The following PRDM16 variants were observed in gnomAD, a reference collection of about 807,000 sequenced individuals.
PRDM16 encodes the protein PR/SET domain 16.
PRDM16 carries 23 observed loss-of-function variants against 110.6 expected under a neutral mutation model. The observed-to-expected ratio is 0.21, with a 90% CI of 0.15 to 0.29. PRDM16 has a LOEUF of 0.29. Ranked by LOEUF, PRDM16 falls within the 10% of genes least tolerant of loss-of-function variation. PRDM16 has a pLI of 1.00. For synonymous variants in PRDM16, 799 were observed against 781.8 expected, an observed-to-expected ratio of 1.02 and a Z score of -0.37; for missense variants, 1,615 against 1,794.3, an observed-to-expected ratio of 0.90 and a Z score of 1.81.
At chr1:3,166,853 C>A (rs141217366) in intron 1 of PRDM16, among the ~76,000 whole-genome samples, 1 of 152,202 alleles carries the variant, frequency 6.6e-6, no homozygotes, top group Admixed American at 6.5e-5. Flanking sequence ...TGGCGCTGGC[C>A]GTGCACCCTG....
At chr1:3,114,803 C>T (rs530743075) in intron 1 of PRDM16, among the ~76,000 whole-genome samples, 1 of 152,368 alleles carries the variant, frequency 6.6e-6, no homozygotes, top group African/African-American at 2.4e-5. Flanking sequence ...CCCAGCCCTG[C>T]CCAGACCATC....
intron 3 of PRDM16, among the ~76,000 whole-genome samples, chr1:3,363,385 G>C (rs1240064247): frequency 2.6e-5 from 4 of 152,146 alleles, no homozygotes; most frequent in African/African-American, 4.8e-5. Flanking sequence ...TTCTTCTCCG[G>C]GAATTTCCTC....
intron 10 of PRDM16, among the ~76,000 whole-genome samples, chr1:3,415,789 T>TG (rs1245561819): frequency 6.6e-6 from 1 of 151,674 alleles, no homozygotes; most frequent in African/African-American, 2.4e-5. Flanking sequence ...AGCCAGGAGG[T>TG]GGGGGGCGGG....
chr1:3,408,865 C>T (rs1643613732), intron 8 of PRDM16, among the ~76,000 whole-genome samples: 1 of 131,868 alleles, frequency 7.6e-6, no homozygotes, highest in Admixed American at 7.7e-5. Context: ...CGAGGGTGGG[C>T]ACGTGAGCTG....
At chr1:3,362,209 T>A (rs148173451) in intron 3 of PRDM16, among the ~76,000 whole-genome samples, 319 of 152,378 alleles carry the variant, frequency 2.1e-3, no homozygotes, top group African/African-American at 6.9e-3. Flanking sequence ...CTGGTGACCC[T>A]GTCCTCCTTC....
chr1:3,320,486 G>A (rs1480880749), intron 3 of PRDM16, among the ~76,000 whole-genome samples: 1 of 152,216 alleles, frequency 6.6e-6, no homozygotes, highest in Non-Finnish European at 1.5e-5. Flanking sequence ...TGTGCTGGCT[G>A]CCTCCCGGGT....
intron 1 of PRDM16, among the ~76,000 whole-genome samples, chr1:3,099,142 C>G (rs1157501265): frequency 6.6e-6 from 1 of 152,226 alleles, no homozygotes; most frequent in East Asian, 1.9e-4. Context: ...AAATGGGCTT[C>G]CTGGGGGCTC....
At chr1:3,291,304 C>G (rs993322756) in intron 3 of PRDM16, among the ~76,000 whole-genome samples, 2 of 152,174 alleles carry the variant, frequency 1.3e-5, no homozygotes, top group Admixed American at 1.3e-4. Context: ...CACACACCTG[C>G]GCTCACAGTG....
At chr1:3,369,011 T>G (rs1445283621) in intron 3 of PRDM16, among the ~76,000 whole-genome samples, 4 of 152,238 alleles carry the variant, frequency 2.6e-5, no homozygotes, top group Admixed American at 2.0e-4. Context: ...TGTGATTAGA[T>G]TTTTAATAAA....
At chr1:3,410,939 A>G (rs1408918983) in intron 8 of PRDM16, among the ~76,000 whole-genome samples, 1 of 152,204 alleles carries the variant, frequency 6.6e-6, no homozygotes, top group African/African-American at 2.4e-5. Context: ...TGGAAACAGC[A>G]GTGGCAAGCC....
At chr1:3,331,809 C>G (rs915766506) in intron 3 of PRDM16, among the ~76,000 whole-genome samples, 1 of 152,304 alleles carries the variant, frequency 6.6e-6, no homozygotes, top group East Asian at 1.9e-4. Context: ...GCTCCCCGCT[C>G]GGGTGGAATG....
chr1:3,252,926 G>A (rs1275702015), intron 3 of PRDM16, among the ~76,000 whole-genome samples: 2 of 152,130 alleles, frequency 1.3e-5, no homozygotes, highest in Admixed American at 6.5e-5. Flanking sequence ...AGAAAGGCAG[G>A]GGTGTGTGCT....
In PRDM16 at chr1:3,256,744, C is replaced by G. The variant is rs1218048375; in HGVS notation, c.438+12607C>G. Among the ~76,000 whole-genome samples the G allele has an allele frequency of 3.9e-5, 6 of 152,232 alleles. No individual in the cohort carries two copies. In the East Asian group the frequency reaches 1.2e-3, roughly 29 times the overall value. On this transcript the variant is annotated intron_variant, in intron 3 of 16. Coordinates refer to ENST00000270722, the MANE Select transcript of PRDM16 (RefSeq NM_022114.4). ...TGGTGGCGGGCGCCTGTAGTCCCAG[C>G]TACTAGGGAGGCTGAGGCAGGAGAA...
At chr1:3,258,541 T>A (rs1034226810) in intron 3 of PRDM16, among the ~76,000 whole-genome samples, 2 of 152,336 alleles carry the variant, frequency 1.3e-5, no homozygotes, top group East Asian at 3.9e-4. Context: ...AGTATAGTGT[T>A]GATAAATTAA....
chr1:3,402,731 C>G, intron 5 of PRDM16, 60 bp from the exon 6 acceptor site: 1 of 1,496,314 alleles, frequency 6.7e-7, no homozygotes, highest in East Asian at 2.3e-5. Context: ...CCAGAGTCCC[C>G]TGATAGCCCT....
At chr1:3,254,016 A>T (rs1261426719) in intron 3 of PRDM16, among the ~76,000 whole-genome samples, 2 of 152,140 alleles carry the variant, frequency 1.3e-5, no homozygotes, top group Non-Finnish European at 2.9e-5. Flanking sequence ...TCTTTTGAGA[A>T]GTGTCTGTTC....
intron 2 of PRDM16, among the ~76,000 whole-genome samples, chr1:3,203,843 G>A (rs560096329): frequency 6.6e-6 from 1 of 152,148 alleles, no homozygotes; most frequent in South Asian, 2.1e-4. Context: ...GGTGAATTCG[G>A]GGGGGGCACA....
intron 2 of PRDM16, among the ~76,000 whole-genome samples, chr1:3,240,612 T>C (rs917651071): frequency 7.2e-5 from 11 of 152,060 alleles, no homozygotes; most frequent in African/African-American, 2.7e-4. Context: ...TCACTCTGGG[T>C]TTCCTCCTTA....
At chr1:3,186,783 A>T (rs1199970762) in intron 2 of PRDM16, among the ~76,000 whole-genome samples, 1 of 152,210 alleles carries the variant, frequency 6.6e-6, no homozygotes. Context: ...GAACACTGCC[A>T]TCGCGGCAGG....
Sources: allele counts gnomAD v4.1 joint callset (sites outside exome capture counted in the v4.1 genomes callset), GRCh38; gene constraint gnomAD v4.1.1; transcripts MANE v1.5; gene names NCBI Gene and HGNC (gene_info 2026-07-23, HGNC 2026-07-21).